Variants in HNF4A observed in about 807,000 individuals in gnomAD.
The protein encoded by HNF4A is hepatocyte nuclear factor 4-alpha.
HNF4A carries 15 observed loss-of-function variants against 52.4 expected under a neutral mutation model. That is an observed-to-expected ratio of 0.29 (90% CI 0.19 to 0.44). The LOEUF is 0.44. Ranked by LOEUF, HNF4A falls within the 20% of genes least tolerant of loss-of-function variation. The pLI is 1.00. For synonymous variants in HNF4A, 280 were observed against 264.4 expected (o/e 1.06, Z -0.57); for missense variants, 479 against 647.2 (o/e 0.74, Z 2.82).
intron 1 of HNF4A, among the ~76,000 whole-genome samples, chr20:44,388,132 A>G (rs564435997): frequency 6.6e-6 from 1 of 151,520 alleles, no homozygotes; most frequent in East Asian, 1.9e-4. Flanking sequence ...TCTATCACCC[A>G]GGCTGGAGTG....
At chr20:44,410,823 C>T (rs534117302) in intron 3 of HNF4A, among the ~76,000 whole-genome samples, 1 of 152,066 alleles carries the variant, frequency 6.6e-6, no homozygotes, top group Non-Finnish European at 1.5e-5. Flanking sequence ...AGACACCAAG[C>T]TCCCTGGAGT....
At chr20:44,426,241 G>A (rs527362150) in intron 8 of HNF4A, among the ~76,000 whole-genome samples, 29 of 152,192 alleles carry the variant, frequency 1.9e-4, no homozygotes, top group African/African-American at 6.7e-4. Flanking sequence ...AGAAAGGAGA[G>A]GTGAAGAGAG....
chr20:44,362,009 C>A (rs1382504074), intron 1 of HNF4A, among the ~76,000 whole-genome samples: 1 of 152,196 alleles, frequency 6.6e-6, no homozygotes, highest in African/African-American at 2.4e-5. Context: ...CCTGGCCACA[C>A]ACTGCTCTGA....
At chr20:44,370,785 G>C (rs1409769468) in intron 1 of HNF4A, among the ~76,000 whole-genome samples, 2 of 152,198 alleles carry the variant, frequency 1.3e-5, no homozygotes, top group Non-Finnish European at 2.9e-5. Context: ...GTAGTGGAGG[G>C]AGGAAACGGC....
At chr20:44,365,955 C>A (rs1181672495) in intron 1 of HNF4A, among the ~76,000 whole-genome samples, 2 of 152,020 alleles carry the variant, frequency 1.3e-5, no homozygotes, top group Non-Finnish European at 2.9e-5. Context: ...TGCTGTGAGC[C>A]GAGATTACAA....
intron 1 of HNF4A, chr20:44,402,775 T>C (rs1193446211): frequency 2.5e-6 from 1 of 402,512 alleles, no homozygotes; most frequent in African/African-American, 2.1e-5. Context: ...TTCTGTGTCT[T>C]GGAGCCACTC....
At chr20:44,424,525 CTGTG>C in intron 8 of HNF4A, 2 of 1,042,404 alleles carry the variant, frequency 1.9e-6, no homozygotes, top group Non-Finnish European at 2.8e-6. Flanking sequence ...CTCGGGGAGG[CTGTG>C]TGTGTGTGAG....
intron 1 of HNF4A, among the ~76,000 whole-genome samples, chr20:44,382,104 GC>G (rs2063161273): frequency 6.6e-6 from 1 of 152,122 alleles, no homozygotes; most frequent in Non-Finnish European, 1.5e-5. Flanking sequence ...TATGTAAATG[GC>G]ACCACTGATA....
chr20:44,355,819 C>A, exon 1 of HNF4A: 1 of 1,613,732 alleles, frequency 6.2e-7, no homozygotes, highest in South Asian at 1.1e-5. Flanking sequence ...TCAGCGTGAA[C>A]GCGCCCCTCG....
chr20:44,401,483 C>T lies in HNF4A; in HGVS notation c.111C>T (p.Gly37=), dbSNP rs779657238. 17 of 1,614,188 alleles carry T rather than the reference C, an allele frequency of 1.1e-5. No individual in the cohort carries two copies. Among genetic ancestry groups the T allele is most frequent in the Middle Eastern group, 1.6e-4 (1 of 6,062 alleles). ...AGAATGTGCAGGTGTTGACGATGGG[C>T]AATGGTAGGTGGGGGCAGATGTGCC... Residue 37 remains glycine (G), a synonymous_variant, in exon 1 of 10, where the codon GGC becomes GGT. Transcript: ENST00000316099.
At chr20:44,408,745 G>A (rs925223028) in intron 3 of HNF4A, among the ~76,000 whole-genome samples, 7 of 152,008 alleles carry the variant, frequency 4.6e-5, no homozygotes, top group African/African-American at 7.2e-5. Context: ...AAAAAGTAAC[G>A]AGTTCATTTT....
chr20:44,428,623 A>T, intron 9 of HNF4A, 136 bp downstream of exon 9: 2 of 837,034 alleles, frequency 2.4e-6, no homozygotes, highest in Non-Finnish European at 3.9e-6. Flanking sequence ...ATAAAGGGCA[A>T]GATTGTCCAT....
At chr20:44,370,187 C>A (rs929265920) in intron 1 of HNF4A, among the ~76,000 whole-genome samples, 2 of 152,190 alleles carry the variant, frequency 1.3e-5, no homozygotes, top group Non-Finnish European at 2.9e-5. Flanking sequence ...GCCACTGCGC[C>A]CGGCTAATTT....
chr20:44,411,436 G>A (rs1205282970), intron 3 of HNF4A, among the ~76,000 whole-genome samples: 1 of 152,206 alleles, frequency 6.6e-6, no homozygotes, highest in East Asian at 1.9e-4. Context: ...CCTATCCGCA[G>A]CTGCTGACAG....
At chr20:44,428,544 A>T (rs1422390878) in intron 9 of HNF4A, 57 bp downstream of exon 9, 1 of 1,550,268 alleles carries the variant, frequency 6.5e-7, no homozygotes, top group Admixed American at 1.8e-5. Context: ...TTAAGACAGG[A>T]GGCAGGAGAA....
chr20:44,367,544 G>C (rs13039863), intron 1 of HNF4A, among the ~76,000 whole-genome samples: 22,071 of 149,804 alleles, frequency 0.15, 2,390 homozygotes, highest in East Asian at 0.41. Context: ...AGGAGGCTGA[G>C]ACAGGAGAAT....
intron 1 of HNF4A, among the ~76,000 whole-genome samples, chr20:44,393,636 C>G (rs971924005): frequency 5.9e-5 from 9 of 152,202 alleles, no homozygotes; most frequent in African/African-American, 2.2e-4. Flanking sequence ...GCCTACCTCC[C>G]AGAGTGGCTG....
chr20:44,385,962 C>G (rs1468715034), intron 1 of HNF4A, among the ~76,000 whole-genome samples: 1 of 150,920 alleles, frequency 6.6e-6, no homozygotes, highest in Non-Finnish European at 1.5e-5. Context: ...CAGGTTCAAG[C>G]GATTCTCCTG....
chr20:44,412,851 C>T (rs930533588), intron 3 of HNF4A, among the ~76,000 whole-genome samples: 6 of 152,094 alleles, frequency 3.9e-5, no homozygotes, highest in South Asian at 4.2e-4. Flanking sequence ...GAAATGCCTA[C>T]GGGTAGGGAA....
Sources: allele counts gnomAD v4.1 joint callset (sites outside exome capture counted in the v4.1 genomes callset), GRCh38; gene constraint gnomAD v4.1.1; transcripts MANE v1.5; gene names NCBI Gene and HGNC (gene_info 2026-07-23, HGNC 2026-07-21).